The following ZCCHC17 variants were observed in gnomAD, a reference collection of about 807,000 sequenced individuals.
The protein encoded by ZCCHC17 is zinc finger CCHC domain-containing protein 17.
ZCCHC17 carries 18 observed loss-of-function variants against 30.6 expected under a neutral mutation model. That is an observed-to-expected ratio of 0.59 (90% CI 0.41 to 0.87). ZCCHC17 has a LOEUF of 0.87. Ranked by LOEUF, ZCCHC17 falls within the 40% of genes least tolerant of loss-of-function variation. The pLI, the probability that ZCCHC17 is intolerant of heterozygous loss-of-function variation, is 0.00. For missense variants in ZCCHC17, 263 were observed against 284.2 expected (o/e 0.93, Z 0.54); for synonymous variants, 88 against 92.4 (o/e 0.95, Z 0.27).
intron 7 of ZCCHC17, among the ~76,000 whole-genome samples, chr1:31,361,484 G>A (rs1639891167): frequency 1.3e-5 from 2 of 152,220 alleles, no homozygotes; most frequent in South Asian, 4.1e-4. Flanking sequence ...GTTCAAAAAA[G>A]TTAAATCCCT....
At chr1:31,351,564 G>A (rs1639471078) in intron 7 of ZCCHC17, among the ~76,000 whole-genome samples, 1 of 151,956 alleles carries the variant, frequency 6.6e-6, no homozygotes. Flanking sequence ...AACATAGGGA[G>A]ACCCTGTCTC....
chr1:31,353,077 A>G (rs1053481992), intron 7 of ZCCHC17, among the ~76,000 whole-genome samples: 5 of 152,142 alleles, frequency 3.3e-5, no homozygotes, highest in African/African-American at 1.2e-4. Flanking sequence ...ATGCGTGTAA[A>G]GTGACATCTC....
chr1:31,321,161 T>C (rs1646851455), intron 3 of ZCCHC17, among the ~76,000 whole-genome samples: 2 of 152,156 alleles, frequency 1.3e-5, no homozygotes, highest in Non-Finnish European at 2.9e-5. Context: ...GTAATCCCCA[T>C]GTGCTGTGGT....
intron 2 of ZCCHC17, among the ~76,000 whole-genome samples, chr1:31,317,955 A>G (rs1445861982): frequency 6.6e-6 from 1 of 152,218 alleles, no homozygotes; most frequent in East Asian, 1.9e-4. Flanking sequence ...CAGCTCTGCT[A>G]CTTATTTAGC....
At chr1:31,306,595 T>C (rs1443418761) in intron 1 of ZCCHC17, among the ~76,000 whole-genome samples, 1 of 152,210 alleles carries the variant, frequency 6.6e-6, no homozygotes, top group Non-Finnish European at 1.5e-5. Flanking sequence ...TGTGAGTAAC[T>C]GCAACTGTGG....
Position 31,337,164 on chromosome 1 carries a change from C to G in ZCCHC17, c.125-11C>G. 1.2e-6 allele frequency: 2 copies of G among 1,611,344 alleles called. No homozygotes were observed. Among genetic ancestry groups the G allele is most frequent in the Non-Finnish European group, 1.7e-6 (2 of 1,177,934 alleles). ...CCTCTGCTTTACGTTATTTCTTCTT[C>G]TTGTGCCCAGGTCTGGTCCATCGAA... On this transcript the variant is annotated splice_polypyrimidine_tract_variant and intron_variant, in intron 3 of 7. Coordinates refer to ENST00000344147, the MANE Select transcript of ZCCHC17 (RefSeq NM_016505.4).
chr1:31,361,246 A>G (rs1388126365), intron 7 of ZCCHC17, among the ~76,000 whole-genome samples: 2 of 152,228 alleles, frequency 1.3e-5, no homozygotes, highest in African/African-American at 4.8e-5. Context: ...GGAGATGCCA[A>G]GGAAGAATTG....
At chr1:31,363,938 C>T (rs1569964327) in intron 7 of ZCCHC17, 94 bp from the exon 8 acceptor site, 2 of 1,508,632 alleles carry the variant, frequency 1.3e-6, no homozygotes, top group East Asian at 2.3e-5. Flanking sequence ...ACTAGGATTA[C>T]AGGTGTGAGC....
intron 5 of ZCCHC17, among the ~76,000 whole-genome samples, chr1:31,345,462 TTC>T (rs1639211557): frequency 7.6e-6 from 1 of 131,798 alleles, no homozygotes; most frequent in Non-Finnish European, 1.6e-5. Flanking sequence ...AGCCTTAATG[TTC>T]TGTTTTTTGA....
At chr1:31,362,099 C>T (rs900015500) in intron 7 of ZCCHC17, among the ~76,000 whole-genome samples, 1 of 152,154 alleles carries the variant, frequency 6.6e-6, no homozygotes, top group African/African-American at 2.4e-5. Context: ...CATGAGCCAC[C>T]GCGCCCAGCC....
In ZCCHC17 at chr1:31,337,271, G is replaced by A. The variant is rs769842763; in HGVS notation, c.221G>A (p.Arg74Gln). The A allele has an allele frequency of 2.8e-5, 45 of 1,613,694 alleles. No individual in the cohort carries two copies. Among genetic ancestry groups the A allele is most frequent in the Admixed American group, 5.0e-5 (3 of 59,980 alleles). Reference sequence around the variant, plus strand: ...AAAGTGTGGGTGAAGCTTATTGGCCGAGAGGTAAAGTTCTGTGCGGCTCCC... The same window carrying A: ...AAAGTGTGGGTGAAGCTTATTGGCCAAGAGGTAAAGTTCTGTGCGGCTCCC... ...GDKVWVKLIGREMKNDRIKVS... is the reference protein window; with the variant it reads ...GDKVWVKLIGQEMKNDRIKVS... The change falls in exon 4 of 8, where the codon CGA (arginine) becomes CAA (glutamine). Residue 74 changes from arginine (R) to glutamine (Q), a missense_variant. Physicochemically the swap from Arg to Gln is conservative, Grantham distance 43. Coordinates refer to ENST00000344147, the MANE Select transcript of ZCCHC17 (RefSeq NM_016505.4).
chr1:31,337,059 C>T, intron 3 of ZCCHC17, 116 bp from the exon 4 acceptor site: 1 of 879,556 alleles, frequency 1.1e-6, no homozygotes, highest in Non-Finnish European at 1.7e-6. Context: ...TCACGCTTTT[C>T]AGTAAAAATT....
intron 3 of ZCCHC17, among the ~76,000 whole-genome samples, chr1:31,322,019 A>G (rs1646872300): frequency 6.6e-6 from 1 of 152,070 alleles, no homozygotes; most frequent in Admixed American, 6.6e-5. Context: ...GTGGCAGTGT[A>G]TACATGAATC....
chr1:31,359,983 C>CTTTTTT, intron 7 of ZCCHC17, among the ~76,000 whole-genome samples: 1 of 145,282 alleles, frequency 6.9e-6, no homozygotes, highest in African/African-American at 2.5e-5. Flanking sequence ...GAACTACAAC[C>CTTTTTT]TTTTTTTTTT....
chr1:31,314,797 G>A (rs779470576), intron 2 of ZCCHC17, among the ~76,000 whole-genome samples: 14 of 152,066 alleles, frequency 9.2e-5, no homozygotes, highest in Non-Finnish European at 1.8e-4. Flanking sequence ...CTCCTGAATA[G>A]CTGGGATTAC....
At chr1:31,339,695 T>G (rs148261191) in intron 5 of ZCCHC17, among the ~76,000 whole-genome samples, 2 of 152,264 alleles carry the variant, frequency 1.3e-5, no homozygotes, top group African/African-American at 4.8e-5. Flanking sequence ...TGAAGAACTA[T>G]TCTTTACCTC....
chr1:31,319,477 A>G (rs11590120), intron 3 of ZCCHC17, among the ~76,000 whole-genome samples: 68,487 of 151,982 alleles, frequency 0.45, 18,987 homozygotes, highest in Non-Finnish European at 0.62. Flanking sequence ...CGGGAGGGCA[A>G]GCTACCTCTG....
At chr1:31,297,135 G>T in intron 1 of ZCCHC17, 60 bp downstream of exon 1, 1 of 413,606 alleles carries the variant, frequency 2.4e-6, no homozygotes, top group Non-Finnish European at 4.3e-6. Flanking sequence ...CGCCTCGGTT[G>T]TGCAGTCTGA....
At chr1:31,346,274 A>T (rs902806582) in intron 5 of ZCCHC17, among the ~76,000 whole-genome samples, 8 of 152,340 alleles carry the variant, frequency 5.3e-5, no homozygotes, top group South Asian at 4.1e-4. Flanking sequence ...AAAGTAGTTT[A>T]GAGACAAACT....
Sources: allele counts gnomAD v4.1 joint callset (sites outside exome capture counted in the v4.1 genomes callset), GRCh38; gene constraint gnomAD v4.1.1; transcripts MANE v1.5; gene names NCBI Gene and HGNC (gene_info 2026-07-23, HGNC 2026-07-21).